Variants in C11orf65 observed in about 807,000 individuals in gnomAD.
C11orf65 encodes the protein protein MFI.
In C11orf65, 38 loss-of-function variants were observed where a neutral mutation model predicts 35.3. The observed-to-expected ratio is 1.08, with a 90% CI of 0.83 to 1.41. The LOEUF is 1.41. Ranked by LOEUF, C11orf65 falls within the 40% of genes most tolerant of loss-of-function variation. The probability of loss-of-function intolerance (pLI) is 0.00; values close to 1 mark genes in which losing one functional copy is unlikely to be tolerated. For missense variants in C11orf65, 370 were observed against 367.1 expected (o/e 1.01, Z -0.06); for synonymous variants, 105 against 114.4 (o/e 0.92, Z 0.53).
At chr11:108,463,308 T>C (rs2093494269) in intron 1 of C11orf65, among the ~76,000 whole-genome samples, 1 of 152,188 alleles carries the variant, frequency 6.6e-6, no homozygotes, top group Non-Finnish European at 1.5e-5. Context: ...AAAATGTATT[T>C]ATATATTTCT....
At chr11:108,310,341 T>C (rs2084044691) in intron 6 of C11orf65, 2 of 1,598,432 alleles carry the variant, frequency 1.3e-6, no homozygotes, top group East Asian at 2.2e-5. Context: ...ATTTTTGGTT[T>C]TTAAAATTAA....
chr11:108,336,105 TCA>T, intron 2 of C11orf65: 1 of 634,328 alleles, frequency 1.6e-6, no homozygotes, highest in Non-Finnish European at 2.8e-6. Context: ...GAGACCAGCC[TCA>T]GCAACATAGT....
chr11:108,374,237 C>G (rs560824470), intron 2 of C11orf65, among the ~76,000 whole-genome samples: 1 of 152,214 alleles, frequency 6.6e-6, no homozygotes. Flanking sequence ...GGAGGCACCC[C>G]CCAGTGGGGC....
chr11:108,379,561 G>A (rs2091818757), downstream of C11orf65, among the ~76,000 whole-genome samples: 1 of 151,596 alleles, frequency 6.6e-6, no homozygotes, highest in African/African-American at 2.4e-5. Flanking sequence ...CACCAGCATG[G>A]CACATGTATA....
At chr11:108,335,278 A>T in exon 3 of C11orf65, 2 of 1,519,206 alleles carry the variant, frequency 1.3e-6, no homozygotes, top group Non-Finnish European at 1.8e-6. Context: ...GCTTTTCTCC[A>T]TTTTTTTTGT....
chr11:108,343,105 A>G (rs1375256754), intron 2 of C11orf65: 15 of 1,311,090 alleles, frequency 1.1e-5, no homozygotes, highest in Non-Finnish European at 1.6e-5. Flanking sequence ...CTATGGACAG[A>G]GAAATATTAA....
intron 2 of C11orf65, among the ~76,000 whole-genome samples, chr11:108,442,877 A>C (rs2093180616): frequency 6.6e-6 from 1 of 152,204 alleles, no homozygotes. Flanking sequence ...AAACATTGTA[A>C]AGACCATCGA....
chr11:108,370,595 T>G (rs2091537698), intron 2 of C11orf65, among the ~76,000 whole-genome samples: 1 of 151,910 alleles, frequency 6.6e-6, no homozygotes, highest in Non-Finnish European at 1.5e-5. Context: ...ACCTTTAAAT[T>G]TACTGTTTGC....
rs2088875067 is a variant in C11orf65 at position 108,349,260 on chromosome 11, T to A, written c.227-13968A>T. 3.3e-5 allele frequency among the ~76,000 whole-genome samples: 5 copies of A among 152,210 alleles called. 1 individual carries two copies. The highest frequency in any genetic ancestry group is 3.3e-4 in the Admixed American group (5 of 15,288). On this transcript the variant is annotated intron_variant, in intron 2 of 3. Coordinates refer to the C11orf65 transcript ENST00000524755. ...TGAATGCTGAAAATAGACCTTTGAA[T>A]TTAACAAGTAATCAATCCTAGAGGC...
intron 6 of C11orf65, among the ~76,000 whole-genome samples, chr11:108,400,643 T>C (rs986693332): frequency 5.3e-5 from 8 of 152,188 alleles, no homozygotes; most frequent in African/African-American, 1.7e-4. Flanking sequence ...ATTTGCTCTG[T>C]TGAAGAAGCC....
intron 6 of C11orf65, among the ~76,000 whole-genome samples, chr11:108,316,503 G>A (rs1427993447): frequency 1.3e-5 from 2 of 152,138 alleles, no homozygotes; most frequent in Non-Finnish European, 2.9e-5. Context: ...CCCAGAACCT[G>A]TTGTTTCTAT....
chr11:108,412,857 G>A (rs992677882), intron 3 of C11orf65, among the ~76,000 whole-genome samples: 22 of 152,154 alleles, frequency 1.4e-4, no homozygotes, highest in African/African-American at 5.3e-4. Context: ...AAACTGTCAG[G>A]ACTAAATGGA....
At chr11:108,434,950 T>C (rs571623060) in intron 2 of C11orf65, among the ~76,000 whole-genome samples, 5 of 152,292 alleles carry the variant, frequency 3.3e-5, no homozygotes, top group Admixed American at 1.3e-4. Flanking sequence ...ACTGGCCTGA[T>C]AGAATAGTGG....
chr11:108,352,675 C>T (rs2089353635), intron 2 of C11orf65, among the ~76,000 whole-genome samples: 2 of 152,126 alleles, frequency 1.3e-5, no homozygotes, highest in South Asian at 4.1e-4. Context: ...CTACAGTGGG[C>T]AAATGCTTAA....
chr11:108,350,988 GC>G (rs1366603933), intron 2 of C11orf65, among the ~76,000 whole-genome samples: 3 of 152,094 alleles, frequency 2.0e-5, no homozygotes, highest in African/African-American at 7.2e-5. Context: ...ATTCATAATA[GC>G]CCCTAACTGG....
chr11:108,414,748 C>T (rs1209687987), intron 3 of C11orf65, among the ~76,000 whole-genome samples: 5 of 152,012 alleles, frequency 3.3e-5, no homozygotes, highest in Admixed American at 2.6e-4. Flanking sequence ...AAAAACCACA[C>T]AGAGACATTA....
intron 2 of C11orf65, among the ~76,000 whole-genome samples, chr11:108,359,804 G>C (rs1444874762): frequency 6.6e-6 from 1 of 152,058 alleles, no homozygotes; most frequent in Non-Finnish European, 1.5e-5. Flanking sequence ...GCAGTGTGTA[G>C]AGGGAAATTT....
At chr11:108,385,407 G>T (rs1056724476) in intron 8 of C11orf65, among the ~76,000 whole-genome samples, 1 of 152,126 alleles carries the variant, frequency 6.6e-6, no homozygotes, top group Non-Finnish European at 1.5e-5. Context: ...TTTTGGCTAG[G>T]CGTGGTGGCT....
intron 2 of C11orf65, chr11:108,368,372 A>G (rs1389191588): frequency 4.8e-6 from 1 of 209,862 alleles, no homozygotes; most frequent in Non-Finnish European, 9.7e-6. Flanking sequence ...ACAAATGAGG[A>G]GTAGTTAGAT....
Sources: gnomAD v4.1 joint callset for allele counts (sites outside exome capture counted in the v4.1 genomes callset) on GRCh38, gnomAD v4.1.1 for gene constraint, MANE v1.5 for transcripts, NCBI Gene and HGNC (gene_info 2026-07-23, HGNC 2026-07-21) for gene names.